SLC8B1: variants seen among roughly 807,000 people sequenced by gnomAD.
The protein encoded by SLC8B1 is solute carrier family 8 member B1.
SLC8B1 carries 52 observed loss-of-function variants against 63.4 expected under a neutral mutation model. The observed-to-expected ratio is 0.82, with a 90% CI of 0.66 to 1.03. SLC8B1 has a LOEUF of 1.03. Ranked by LOEUF, SLC8B1 falls within the 50% of genes least tolerant of loss-of-function variation. SLC8B1 has a pLI of 0.00. For missense variants in SLC8B1, 657 were observed against 741.7 expected (o/e 0.89, Z 1.33); for synonymous variants, 336 against 323.9 (o/e 1.04, Z -0.40).
At position 113,332,894 on chromosome 12, in the gene SLC8B1, C is replaced by T; in HGVS notation, c.-16G>A. The T allele has an allele frequency of 6.2e-7, 1 of 1,612,466 alleles. No individual in the cohort carries two copies. Among genetic ancestry groups the T allele is most frequent in the African/African-American group, 1.3e-5 (1 of 75,062 alleles). On this transcript the variant is annotated 5_prime_UTR_variant, in exon 2 of 16. Coordinates refer to ENST00000680972, the MANE Select transcript of SLC8B1 (RefSeq NM_001358345.2). ...TGCCGGCCATCTGCCCCCACGGGGC[C>T]TGGCCCTTACTCTCCACTTCCCTTT...
At chr12:113,318,301 TTGTG>T (rs923943371) in intron 8 of SLC8B1, among the ~76,000 whole-genome samples, 1 of 152,066 alleles carries the variant, frequency 6.6e-6, no homozygotes, top group Non-Finnish European at 1.5e-5. Context: ...GAGCATGTAT[TTGTG>T]TATGTGCGCA....
intron 1 of SLC8B1, among the ~76,000 whole-genome samples, chr12:113,333,819 C>G (rs1172715994): frequency 1.3e-5 from 2 of 152,216 alleles, no homozygotes; most frequent in African/African-American, 4.8e-5. Flanking sequence ...AGTGATTCTC[C>G]TGCCTCAGCC....
At chr12:113,301,226 A>G (rs1956582590) in intron 15 of SLC8B1, among the ~76,000 whole-genome samples, 1 of 152,074 alleles carries the variant, frequency 6.6e-6, no homozygotes, top group Non-Finnish European at 1.5e-5. Context: ...GCAGCCAAAC[A>G]TAAACAGTAG....
chr12:113,318,258 TTG>T (rs964548952), intron 8 of SLC8B1, among the ~76,000 whole-genome samples: 9 of 151,912 alleles, frequency 5.9e-5, no homozygotes, highest in African/African-American at 1.2e-4. Flanking sequence ...TGTATTTGTG[TTG>T]TGTGTGCATG....
Position 113,299,903 on chromosome 12 carries a change from G to C in SLC8B1, c.1629C>G (p.Val543=). The C allele has an allele frequency of 6.2e-7, 1 of 1,614,226 alleles. No individual in the cohort carries two copies. Among genetic ancestry groups the C allele is most frequent in the South Asian group, 1.1e-5 (1 of 91,086 alleles). Residue 543 remains valine, a synonymous_variant, in exon 16 of 16, where the codon GTC becomes GTG. Transcript: ENST00000680972. ...ALGLSLVFSL[V]SVPLQCFQLS... ...GCTGGAAGCACTGCAATGGGACTGA[G>C]ACCAGGGAGAAGACGAGGCTGAGCC...
At chr12:113,333,450 C>A (rs1162401661) in intron 1 of SLC8B1, among the ~76,000 whole-genome samples, 1 of 152,218 alleles carries the variant, frequency 6.6e-6, no homozygotes, top group Non-Finnish European at 1.5e-5. Flanking sequence ...CTAAGCAATG[C>A]TGTTGTTCTG....
chr12:113,323,705 T>A (rs1411406161), intron 2 of SLC8B1, among the ~76,000 whole-genome samples: 1 of 151,836 alleles, frequency 6.6e-6, no homozygotes, highest in Non-Finnish European at 1.5e-5. Context: ...TGAGACTCCA[T>A]CTCAAAAAAA....
chr12:113,311,545 C>T (rs1031888334), intron 11 of SLC8B1, among the ~76,000 whole-genome samples: 2 of 151,494 alleles, frequency 1.3e-5, no homozygotes, highest in African/African-American at 4.8e-5. Flanking sequence ...ACTTGAGTCC[C>T]GGGAGGTGGC....
rs1261997745 is a variant in SLC8B1 at position 113,320,007 on chromosome 12, G to A, written c.694+324C>T. ...GTAGTCTCGCTATGTTGCCCAGGCT[G>A]GTCTCAAACTCCTGAACCAAAGTGA... is the stretch of plus-strand genomic sequence containing the variant. On this transcript the variant is annotated intron_variant, in intron 7 of 15. Transcript: ENST00000680972. The surrounding 1 kb of genome is among the most constrained non-coding windows in gnomAD (Gnocchi z 5.3). The A allele has an allele frequency of 1.1e-5, 3 of 280,236 alleles. No homozygotes were observed. Among genetic ancestry groups the A allele is most frequent in the African/African-American group, 6.6e-5 (3 of 45,542 alleles). 17.4% of individuals were successfully genotyped at this position (280,236 alleles called of 1,614,324 possible). A position where few individuals can be genotyped will look rare whatever the true frequency, so the allele number is the denominator to read the frequency against.
chr12:113,301,730 G>GT (rs1566221320), intron 15 of SLC8B1, among the ~76,000 whole-genome samples: 1 of 152,156 alleles, frequency 6.6e-6, no homozygotes, highest in Non-Finnish European at 1.5e-5. Flanking sequence ...AGGCACTGTC[G>GT]TCTTTGATCT....
At chr12:113,317,892 T>C (rs1278047436) in intron 8 of SLC8B1, among the ~76,000 whole-genome samples, 4 of 152,214 alleles carry the variant, frequency 2.6e-5, no homozygotes, top group Non-Finnish European at 5.9e-5. Flanking sequence ...TTGATGTTTT[T>C]GTGTTGTGTA....
At chr12:113,315,121 G>A (rs3764035) in intron 11 of SLC8B1, among the ~76,000 whole-genome samples, 36,719 of 152,066 alleles carry the variant, frequency 0.24, 5,345 homozygotes, top group African/African-American at 0.41. Flanking sequence ...CCCCGTCTCT[G>A]TGAAAAATAC....
chr12:113,299,586 G>C lies in SLC8B1; in HGVS notation c.*191C>G. Reference sequence around the variant, plus strand: ...TTTCCAAGGTCCCCACGGCAAGGCTGTTGGGTGCTGGCAGCAAGAGGTACA... The same window carrying C: ...TTTCCAAGGTCCCCACGGCAAGGCTCTTGGGTGCTGGCAGCAAGAGGTACA... On this transcript the variant is annotated 3_prime_UTR_variant, in exon 16 of 16. Coordinates refer to ENST00000680972, the MANE Select transcript of SLC8B1 (RefSeq NM_001358345.2). 1 of 610,522 alleles carries C rather than the reference G, an allele frequency of 1.6e-6. No homozygotes were observed. The highest frequency in any genetic ancestry group is 1.8e-5 in the African/African-American group (1 of 54,272). The allele number at this position is 610,522 out of a possible 1,614,324, so 37.8% of individuals were successfully genotyped here.
chr12:113,310,251 G>A lies in SLC8B1; in HGVS notation c.1240C>T (p.Pro414Ser), dbSNP rs752589199. Residue 414 changes from proline to serine, a missense_variant, in exon 12 of 16, where the codon CCC becomes TCC. Physicochemically the swap from Pro to Ser is moderately conservative, Grantham distance 74 (BLOSUM62 -1). Transcript: ENST00000680972. ...CTTCTTACCCAGTGAAGCCTGGGGG[G>A]CTGGCTGTCAGATGTGGCAAAAAAG... ...VTFFATSDSQ[P>S]PRLHWLFAFL... The A allele has an allele frequency of 1.2e-6, 2 of 1,613,796 alleles. No homozygotes were observed. The highest frequency in any genetic ancestry group is 1.7e-6 in the Non-Finnish European group (2 of 1,179,960).
rs768491931 is a variant in SLC8B1, at chr12:113,300,858, G to A, written c.1558-884C>T. Among the ~76,000 whole-genome samples, 12 of 152,332 alleles carry A rather than the reference G, an allele frequency of 7.9e-5. No individual in the cohort carries two copies. The East Asian group carries it at 1.3e-3, about 17-fold the overall frequency. On this transcript the variant is annotated intron_variant, in intron 15 of 15. Transcript: ENST00000680972. ...AGAAACAATATGGATGCGTTAGGCC[G>A]GGCAGGGTGGCTCAGGCCTGTAATC...
At chr12:113,327,730 C>T (rs1957012571) in intron 2 of SLC8B1, among the ~76,000 whole-genome samples, 1 of 150,650 alleles carries the variant, frequency 6.6e-6, no homozygotes, top group African/African-American at 2.4e-5. Context: ...CACCTGTAAT[C>T]CCAGCACTTT....
chr12:113,310,243 C>T lies in SLC8B1; in HGVS notation c.1248G>A (p.Arg416=), dbSNP rs1478797947. 1 of 1,613,806 alleles carries T rather than the reference C, an allele frequency of 6.2e-7. No homozygotes were observed. Among genetic ancestry groups the T allele is most frequent in the African/African-American group, 1.3e-5 (1 of 75,022 alleles). ...FFATSDSQPP[R]LHWLFAFLGF... Reference sequence around the variant, plus strand: ...AACCCGGGCTTCTTACCCAGTGAAGCCTGGGGGGCTGGCTGTCAGATGTGG... The same window carrying T: ...AACCCGGGCTTCTTACCCAGTGAAGTCTGGGGGGCTGGCTGTCAGATGTGG... The change falls in exon 12 of 16, where the codon AGG becomes AGA. Residue 416 remains arginine, a synonymous_variant. Coordinates refer to ENST00000680972, the MANE Select transcript of SLC8B1 (RefSeq NM_001358345.2).
At chr12:113,330,026 G>A (rs1426371022) in intron 2 of SLC8B1, among the ~76,000 whole-genome samples, 1 of 152,068 alleles carries the variant, frequency 6.6e-6, no homozygotes, top group Admixed American at 6.6e-5. Context: ...AGCCATTCAG[G>A]TCTCAGTCTA....
chr12:113,318,407 CAT>C (rs776254624), intron 8 of SLC8B1, among the ~76,000 whole-genome samples: 7 of 150,440 alleles, frequency 4.7e-5, no homozygotes, highest in Non-Finnish European at 8.9e-5. Flanking sequence ...TGTGTGTGTG[CAT>C]ATATTTGTAT....
Sources: gnomAD v4.1 joint callset for allele counts (sites outside exome capture counted in the v4.1 genomes callset) on GRCh38, gnomAD v4.1.1 for gene constraint, Gnocchi (gnomAD v3.1) non-coding constraint, MANE v1.5 for transcripts, NCBI Gene and HGNC (gene_info 2026-07-23, HGNC 2026-07-21) for gene names.